The following RGS6 variants were observed in gnomAD, a reference collection of about 807,000 sequenced individuals.
RGS6 encodes regulator of G protein signaling 6.
RGS6 carries 30 observed loss-of-function variants against 78.5 expected under a neutral mutation model. That is an observed-to-expected ratio of 0.38 (90% CI 0.29 to 0.52). RGS6 has a LOEUF of 0.52. RGS6 is among the 20% of genes least tolerant of loss of function. RGS6 has a pLI of 0.85. For missense variants in RGS6, 495 were observed against 609.7 expected, an observed-to-expected ratio of 0.81 and a Z score of 1.98; for synonymous variants, 206 against 206.0, an observed-to-expected ratio of 1.00 and a Z score of 0.00.
At chr14:72,458,825 AG>A (rs941332115) in intron 5 of RGS6, among the ~76,000 whole-genome samples, 16 of 152,270 alleles carry the variant, frequency 1.1e-4, no homozygotes, top group African/African-American at 3.4e-4. Flanking sequence ...TCTTTTATAA[AG>A]GCACTAATCT....
intron 17 of RGS6, among the ~76,000 whole-genome samples, chr14:72,544,095 G>A (rs529288046): frequency 6.6e-6 from 1 of 152,296 alleles, no homozygotes; most frequent in South Asian, 2.1e-4. Context: ...TGGGGTGGGG[G>A]GCCTCACCAA....
At chr14:72,607,884 C>T in the RGS6 span, among the ~76,000 whole-genome samples, 44 of 152,254 alleles carry the variant, frequency 2.9e-4, no homozygotes, top group Non-Finnish European at 5.3e-4. Context: ...GCTTCTCTGC[C>T]GAAATAACGG....
Position 71,977,100 on chromosome 14 carries a change from G to C in RGS6, c.84+12225G>C, listed in dbSNP as rs540785141. On this transcript the variant is annotated intron_variant, in intron 2 of 17. Coordinates refer to ENST00000553525, the MANE Select transcript of RGS6 (RefSeq NM_001204424.2). Reference sequence around the variant, plus strand: ...TGTTCATGTCCTTCGTCCACTTTTTGATGGGGTGGTTTGTTTTTTTCTTGT... The same window carrying C: ...TGTTCATGTCCTTCGTCCACTTTTTCATGGGGTGGTTTGTTTTTTTCTTGT... Among the ~76,000 whole-genome samples, 47 of 118,654 alleles carry C rather than the reference G, an allele frequency of 4.0e-4. 7 individuals are homozygous for C. Among genetic ancestry groups the C allele is most frequent in the Non-Finnish European group, 7.5e-4 (40 of 53,076 alleles). 77.8% of individuals were successfully genotyped at this position (118,654 alleles called of 152,430 possible).
the RGS6 span, among the ~76,000 whole-genome samples, chr14:72,627,563 T>G: frequency 2.6e-5 from 4 of 152,096 alleles, no homozygotes; most frequent in Non-Finnish European, 5.9e-5. Flanking sequence ...GGCTTTACAG[T>G]ATGTTTTAAT....
intron 2 of RGS6, among the ~76,000 whole-genome samples, chr14:72,148,014 C>A (rs1431567076): frequency 6.6e-6 from 1 of 151,526 alleles, no homozygotes; most frequent in Admixed American, 6.6e-5. Flanking sequence ...GTCTGTAGTC[C>A]CAGCTATTCA....
chr14:72,629,702 C>T, the RGS6 span: 4 of 1,535,982 alleles, frequency 2.6e-6, no homozygotes, highest in African/African-American at 5.5e-5. Context: ...CAGCCTCGGT[C>T]ATGTTCAGGG....
the RGS6 span, among the ~76,000 whole-genome samples, chr14:72,615,229 C>T: frequency 1.2e-4 from 19 of 152,216 alleles, no homozygotes; most frequent in East Asian, 3.7e-3. Flanking sequence ...CCCTGGGCCA[C>T]GGGCGGCGCA....
intron 2 of RGS6, among the ~76,000 whole-genome samples, chr14:72,205,831 G>A (rs1331323884): frequency 6.6e-6 from 1 of 152,168 alleles, no homozygotes; most frequent in African/African-American, 2.4e-5. Flanking sequence ...TTTGCCCACT[G>A]ACCAAAATTA....
chr14:72,059,671 T>G (rs918919293), intron 2 of RGS6, among the ~76,000 whole-genome samples: 1 of 152,112 alleles, frequency 6.6e-6, no homozygotes, highest in Middle Eastern at 3.2e-3. Flanking sequence ...TGTGATGGTA[T>G]TTGGAGATGA....
At chr14:72,133,458 C>G (rs534772728) in intron 2 of RGS6, among the ~76,000 whole-genome samples, 2 of 152,230 alleles carry the variant, frequency 1.3e-5, no homozygotes, top group African/African-American at 4.8e-5. Context: ...AATCGGTAAA[C>G]GCTGACCATA....
At chr14:72,405,730 A>G (rs1242460862) in intron 3 of RGS6, among the ~76,000 whole-genome samples, 1 of 152,170 alleles carries the variant, frequency 6.6e-6, no homozygotes, top group African/African-American at 2.4e-5. Flanking sequence ...GGGAAGTACA[A>G]ACCTCCACAT....
At chr14:72,316,895 A>G (rs1266947106) in intron 2 of RGS6, among the ~76,000 whole-genome samples, 2 of 76,664 alleles carry the variant, frequency 2.6e-5, no homozygotes, top group Non-Finnish European at 5.1e-5. Context: ...AAAGCAGGTG[A>G]AGTGTGTGTG....
intron 2 of RGS6, among the ~76,000 whole-genome samples, chr14:72,252,966 G>A (rs910302100): frequency 5.3e-5 from 8 of 152,196 alleles, no homozygotes; most frequent in African/African-American, 7.2e-5. Context: ...AAGGTCTTGT[G>A]CCAGCCATTA....
the RGS6 span, among the ~76,000 whole-genome samples, chr14:71,869,337 A>C: frequency 6.6e-6 from 1 of 152,232 alleles, no homozygotes; most frequent in African/African-American, 2.4e-5. Flanking sequence ...CTTGTCTGCC[A>C]GAAGAAAGTG....
chr14:72,470,022 C>T lies in RGS6; in HGVS notation c.475C>T (p.Leu159Phe), dbSNP rs778701560. 1 of 1,613,152 alleles carries T rather than the reference C, an allele frequency of 6.2e-7. No individual in the cohort carries two copies. The highest frequency in any genetic ancestry group is 8.5e-7 in the Non-Finnish European group (1 of 1,179,446). ...ADYEAENLAR[L>F]QRAFARKWEF... The stretch of plus-strand genomic sequence containing the variant: ...TTCTCATTAGGAAAACTTAGCAAGA[C>T]TCCAGAGGGCCTTTGCGAGGAAGTG... The change falls in exon 8 of 18, where the codon CTC becomes TTC. Residue 159 changes from leucine to phenylalanine, a missense_variant. By Grantham distance (22) the Leu-to-Phe change is conservative (BLOSUM62 0). Transcript: ENST00000553525.
chr14:72,476,985 G>C (rs2096255064), intron 11 of RGS6, 145 bp downstream of exon 11: 1 of 662,866 alleles, frequency 1.5e-6, no homozygotes, highest in African/African-American at 1.8e-5. Flanking sequence ...AACCTTTTAA[G>C]TGCTGTGTGT....
intron 2 of RGS6, among the ~76,000 whole-genome samples, chr14:72,190,908 T>C (rs1415229689): frequency 6.6e-6 from 1 of 152,188 alleles, no homozygotes; most frequent in Admixed American, 6.5e-5. Context: ...GGCTGTCCCA[T>C]CTAGTAAATT....
At chr14:71,902,674 G>T in the RGS6 span, among the ~76,000 whole-genome samples, 2 of 152,128 alleles carry the variant, frequency 1.3e-5, no homozygotes, top group Non-Finnish European at 2.9e-5. Context: ...GAAATAGAAA[G>T]AAGAATAGAA....
chr14:72,376,327 A>C (rs1386744858), intron 3 of RGS6, among the ~76,000 whole-genome samples: 1 of 152,232 alleles, frequency 6.6e-6, no homozygotes, highest in Non-Finnish European at 1.5e-5. Flanking sequence ...TTAAATAAAT[A>C]ATAAAAAGGA....
Sources: allele counts gnomAD v4.1 joint callset (sites outside exome capture counted in the v4.1 genomes callset), GRCh38; gene constraint gnomAD v4.1.1; transcripts MANE v1.5; gene names NCBI Gene and HGNC (gene_info 2026-07-23, HGNC 2026-07-21).